Variants in MAPK10 observed in about 807,000 individuals in gnomAD.
MAPK10 encodes JNK3 alpha protein kinase.
MAPK10 carries 25 observed loss-of-function variants against 59.3 expected under a neutral mutation model. The observed-to-expected ratio is 0.42, with a 90% confidence interval of 0.31 to 0.59. MAPK10 has a LOEUF of 0.59. Ranked by LOEUF, MAPK10 falls within the 20% of genes least tolerant of loss-of-function variation. The probability of loss-of-function intolerance (pLI) is 0.15; values close to 1 mark genes in which losing one functional copy is unlikely to be tolerated. For synonymous variants in MAPK10, 190 were observed against 200.5 expected (o/e 0.95, Z 0.44); for missense variants, 351 against 568.9 (o/e 0.62, Z 3.90).
At chr4:86,123,521 C>A (rs989314656) in intron 4 of MAPK10, among the ~76,000 whole-genome samples, 1 of 151,926 alleles carries the variant, frequency 6.6e-6, no homozygotes, top group African/African-American at 2.4e-5. Flanking sequence ...TTTTTCAAGA[C>A]CTTGCTTACA....
intron 2 of MAPK10, among the ~76,000 whole-genome samples, chr4:86,212,008 A>G (rs1056930004): frequency 6.6e-6 from 1 of 152,192 alleles, no homozygotes; most frequent in African/African-American, 2.4e-5. Context: ...AAAGAAAGAA[A>G]AAAAGACAGT....
intron 1 of MAPK10, among the ~76,000 whole-genome samples, chr4:86,591,797 C>T (rs766320973): frequency 6.6e-6 from 1 of 152,126 alleles, no homozygotes; most frequent in Non-Finnish European, 1.5e-5. Flanking sequence ...GACTTATTTA[C>T]AGTACTTAAT....
At chr4:86,584,995 C>G (rs1206991316) in intron 1 of MAPK10, among the ~76,000 whole-genome samples, 1 of 152,040 alleles carries the variant, frequency 6.6e-6, no homozygotes, top group Non-Finnish European at 1.5e-5. Flanking sequence ...AACTTTTAAT[C>G]CAATTCAAGC....
At chr4:86,459,957 C>T (rs1423913613) in intron 1 of MAPK10, among the ~76,000 whole-genome samples, 1 of 151,334 alleles carries the variant, frequency 6.6e-6, no homozygotes, top group Non-Finnish European at 1.5e-5. Flanking sequence ...AGAAAAAAAT[C>T]TAAAAAAAAA....
chr4:86,579,864 A>C (rs1696733676), intron 1 of MAPK10, among the ~76,000 whole-genome samples: 1 of 152,128 alleles, frequency 6.6e-6, no homozygotes, highest in African/African-American at 2.4e-5. Context: ...CCCAGGCTGG[A>C]GTGCATTGGC....
intron 1 of MAPK10, among the ~76,000 whole-genome samples, chr4:86,421,133 A>T (rs1359841944): frequency 2.0e-5 from 3 of 152,076 alleles, no homozygotes; most frequent in Non-Finnish European, 4.4e-5. Flanking sequence ...TGAATGACAT[A>T]ATCGTGTGTG....
chr4:86,478,777 G>A (rs1753332603), intron 1 of MAPK10, among the ~76,000 whole-genome samples: 1 of 152,070 alleles, frequency 6.6e-6, no homozygotes, highest in East Asian at 1.9e-4. Flanking sequence ...TTGGTTTATT[G>A]ATGGCAGTTC....
In MAPK10 at chr4:86,377,055, G is replaced by A. The variant is rs149473106; in HGVS notation, c.-121-22411C>T. Reference sequence around the variant, plus strand: ...TGAGTGTGCAACATGTCATTCATAAGTAAAGCCCTCAGGCTCATCCAAATT... The same window carrying A: ...TGAGTGTGCAACATGTCATTCATAAATAAAGCCCTCAGGCTCATCCAAATT... On this transcript the variant is annotated intron_variant, in intron 1 of 13. Transcript: ENST00000361569. Among the ~76,000 whole-genome samples the A allele has an allele frequency of 2.6e-4, 40 of 152,310 alleles. No individual in the cohort carries two copies. In the East Asian group the frequency reaches 7.7e-3, roughly 29 times the overall value.
intron 4 of MAPK10, among the ~76,000 whole-genome samples, chr4:86,123,483 A>C (rs1379874742): frequency 1.3e-5 from 2 of 152,056 alleles, no homozygotes; most frequent in African/African-American, 4.8e-5. Context: ...ACTGTTTTCC[A>C]TAATGGCCGT....
chr4:86,516,297 G>C (rs1756655526), intron 1 of MAPK10, among the ~76,000 whole-genome samples: 1 of 152,154 alleles, frequency 6.6e-6, no homozygotes, highest in Non-Finnish European at 1.5e-5. Context: ...TTGTAGCATA[G>C]TTTGAAGTCG....
rs182920278 is a variant in MAPK10, at chr4:86,095,290, T to G, written c.802+3234A>C. 5 of 151,926 alleles carry G rather than the reference T, an allele frequency of 3.3e-5. No homozygotes were observed. The East Asian group carries it at 9.7e-4, about 29-fold the overall frequency. 9.4% of individuals were successfully genotyped at this position (151,926 alleles called of 1,614,324 possible). A position where few individuals can be genotyped will look rare whatever the true frequency, so the allele number is the denominator to read the frequency against. ...TTTGAATGTGGGAAAGTAGTTAAAC[T>G]TCAGTCATCAATGACAATTTCATAA... is the stretch of plus-strand genomic sequence containing the variant. On this transcript the variant is annotated intron_variant, in intron 9 of 13. Coordinates refer to ENST00000641462, the MANE Select transcript of MAPK10 (RefSeq NM_138982.4).
intron 1 of MAPK10, among the ~76,000 whole-genome samples, chr4:86,418,590 T>C (rs1249303125): frequency 2.6e-5 from 4 of 152,210 alleles, no homozygotes; most frequent in Non-Finnish European, 5.9e-5. Context: ...CAGTCTTCCC[T>C]AAAGGCTTGA....
intron 1 of MAPK10, among the ~76,000 whole-genome samples, chr4:86,394,508 GT>G (rs1742658426): frequency 6.6e-6 from 1 of 151,766 alleles, no homozygotes; most frequent in Non-Finnish European, 1.5e-5. Flanking sequence ...GCTCCAAATT[GT>G]TTTTTGCTAC....
At chr4:86,343,694 C>T (rs1013239576) in intron 2 of MAPK10, among the ~76,000 whole-genome samples, 2 of 152,016 alleles carry the variant, frequency 1.3e-5, no homozygotes, top group Admixed American at 6.6e-5. Flanking sequence ...TTGTCACTCT[C>T]GTACTCTCAC....
intron 2 of MAPK10, among the ~76,000 whole-genome samples, chr4:86,294,845 T>C (rs2095316419): frequency 6.6e-6 from 1 of 152,180 alleles, no homozygotes; most frequent in Admixed American, 6.5e-5. Flanking sequence ...TCTTCGAGGC[T>C]TTGGCTGAGT....
intron 2 of MAPK10, among the ~76,000 whole-genome samples, chr4:86,211,330 G>A (rs1401928083): frequency 2.0e-5 from 3 of 151,990 alleles, no homozygotes; most frequent in Non-Finnish European, 2.9e-5. Flanking sequence ...TGAAAGCAGT[G>A]AGAAAGAAGT....
intron 2 of MAPK10, among the ~76,000 whole-genome samples, chr4:86,244,080 T>C (rs763172462): frequency 6.6e-6 from 1 of 152,192 alleles, no homozygotes; most frequent in Non-Finnish European, 1.5e-5. Context: ...ATAGAAGCAT[T>C]GTTTCAAGAG....
intron 4 of MAPK10, among the ~76,000 whole-genome samples, chr4:86,135,662 C>G (rs1184112480): frequency 6.6e-6 from 1 of 152,172 alleles, no homozygotes; most frequent in Non-Finnish European, 1.5e-5. Context: ...AGTTCCTCAC[C>G]AGCAACGGAA....
At chr4:86,503,089 G>A (rs890542590) in intron 1 of MAPK10, among the ~76,000 whole-genome samples, 1 of 152,104 alleles carries the variant, frequency 6.6e-6, no homozygotes, top group African/African-American at 2.4e-5. Flanking sequence ...GGTCAACCTA[G>A]ATGTCTAGCA....
Sources: allele counts gnomAD v4.1 joint callset (sites outside exome capture counted in the v4.1 genomes callset), GRCh38; gene constraint gnomAD v4.1.1; transcripts MANE v1.5; gene names NCBI Gene and HGNC (gene_info 2026-07-23, HGNC 2026-07-21).